Variants in BRSK2 observed in about 807,000 individuals in gnomAD.
BRSK2 encodes the protein serine/threonine-protein kinase BRSK2.
Under a neutral mutation model 83.3 loss-of-function variants are expected in BRSK2, and 19 were observed. That is an observed-to-expected ratio of 0.23 (90% CI 0.16 to 0.33). The LOEUF (loss-of-function observed/expected upper bound fraction) is 0.33. Ranked by LOEUF, BRSK2 falls within the 10% of genes least tolerant of loss-of-function variation. The pLI, the probability that BRSK2 is intolerant of heterozygous loss-of-function variation, is 1.00. For synonymous variants in BRSK2, 519 were observed against 435.4 expected, an observed-to-expected ratio of 1.19 and a Z score of -2.39; for missense variants, 798 against 1,042.3, an observed-to-expected ratio of 0.77 and a Z score of 3.23.
intron 15 of BRSK2, among the ~76,000 whole-genome samples, chr11:1,451,819 C>G (rs898988454): frequency 6.6e-6 from 1 of 152,172 alleles, no homozygotes; most frequent in Non-Finnish European, 1.5e-5. Flanking sequence ...TGTGCAGGGG[C>G]GGAGCGGAGC....
At chr11:1,460,174 G>T (rs1055351285) in intron 19 of BRSK2, among the ~76,000 whole-genome samples, 1 of 152,108 alleles carries the variant, frequency 6.6e-6, no homozygotes, top group African/African-American at 2.4e-5. Context: ...GCCTCGCTTC[G>T]CCAAAGGAGC....
At chr11:1,439,210 A>G (rs368213855) in intron 3 of BRSK2, among the ~76,000 whole-genome samples, 1 of 152,052 alleles carries the variant, frequency 6.6e-6, no homozygotes, top group African/African-American at 2.4e-5. Flanking sequence ...GAGCTGGCTG[A>G]GGGCCTGGCT....
intron 1 of BRSK2, among the ~76,000 whole-genome samples, chr11:1,407,468 C>G (rs1564800155): frequency 1.3e-5 from 2 of 152,144 alleles, no homozygotes; most frequent in Non-Finnish European, 1.5e-5. Context: ...CTCCGAGGCC[C>G]TTGTTCCTGC....
At chr11:1,428,079 T>C (rs1039979783) in intron 1 of BRSK2, among the ~76,000 whole-genome samples, 4 of 152,080 alleles carry the variant, frequency 2.6e-5, no homozygotes, top group Admixed American at 6.5e-5. Context: ...TTTCTAGGCA[T>C]AGGGGCAGCA....
intron 1 of BRSK2, among the ~76,000 whole-genome samples, chr11:1,421,052 AC>A (rs1848589624): frequency 6.6e-6 from 1 of 151,916 alleles, no homozygotes; most frequent in South Asian, 2.1e-4. Context: ...TCAGAGTGAT[AC>A]CCTCAGATCT....
chr11:1,456,777 G>A, intron 18 of BRSK2, 90 bp downstream of exon 18: 1 of 1,408,622 alleles, frequency 7.1e-7, no homozygotes, highest in Middle Eastern at 2.4e-4. Flanking sequence ...GAGGACCCGG[G>A]CGCAGCCTCC....
At chr11:1,393,189 T>A (rs1203183977) in intron 1 of BRSK2, among the ~76,000 whole-genome samples, 1 of 152,090 alleles carries the variant, frequency 6.6e-6, no homozygotes, top group African/African-American at 2.4e-5. Context: ...ACACTCCGAG[T>A]TGGAGCATGC....
chr11:1,419,051 G>T (rs1032364691), intron 1 of BRSK2, among the ~76,000 whole-genome samples: 6 of 152,348 alleles, frequency 3.9e-5, no homozygotes, highest in African/African-American at 1.4e-4. Context: ...TTACAGGTGC[G>T]TGTCAGGCGT....
At position 1,454,633 on chromosome 11, in the gene BRSK2, G is replaced by A. The variant is rs1846246545; in HGVS notation, c.1668+25G>A. ...GGTGAGGCCACAGGGCGCTGGGGGA[G>A]GCGGGCAGCCCTCCCAACCCCACAC... On this transcript the variant is annotated intron_variant, in intron 16 of 19. Transcript: ENST00000528841. The surrounding 1 kb of genome is among the most constrained non-coding windows in gnomAD (Gnocchi z 5.2). 4 of 1,611,318 alleles carry A rather than the reference G, an allele frequency of 2.5e-6. No homozygotes were observed. The highest frequency in any genetic ancestry group is 3.4e-6 in the Non-Finnish European group (4 of 1,179,542).
chr11:1,415,712 C>T (rs551509925), intron 1 of BRSK2, among the ~76,000 whole-genome samples: 1 of 152,376 alleles, frequency 6.6e-6, no homozygotes, highest in African/African-American at 2.4e-5. Context: ...GGGTCCCTCA[C>T]TTTCCTTCAT....
intron 1 of BRSK2, among the ~76,000 whole-genome samples, chr11:1,429,435 C>A (rs567501787): frequency 6.9e-6 from 1 of 145,924 alleles, no homozygotes; most frequent in East Asian, 2.0e-4. Flanking sequence ...TATGCACACA[C>A]CTAGGGGTGT....
chr11:1,398,391 C>T (rs1159602228), intron 1 of BRSK2, among the ~76,000 whole-genome samples: 2 of 152,130 alleles, frequency 1.3e-5, no homozygotes, highest in Non-Finnish European at 2.9e-5. Context: ...CGAGAGTTAT[C>T]TTGTGCGGAC....
chr11:1,446,047 GCTGGGCTGGGCTGGGCTGGGC>G, intron 12 of BRSK2, 140 bp downstream of exon 12: 1 of 375,502 alleles, frequency 2.7e-6, no homozygotes, highest in African/African-American at 4.7e-5. Context: ...ACTGGGCTTA[GCTGGGCTGGGCTGGGCTGGGC>G]TTGGCTGGGC....
At chr11:1,408,895 G>A (rs558803099) in intron 1 of BRSK2, among the ~76,000 whole-genome samples, 5 of 147,938 alleles carry the variant, frequency 3.4e-5, no homozygotes, top group Non-Finnish European at 7.5e-5. Flanking sequence ...CTGCCTTATG[G>A]AGGTTTATGT....
In BRSK2 at chr11:1,390,223, C is replaced by T. The variant is rs1368661936; in HGVS notation, c.-62C>T. 8.9e-6 allele frequency: 8 copies of T among 903,318 alleles called. No individual in the cohort carries two copies. Among genetic ancestry groups the T allele is most frequent in the East Asian group, 2.4e-4 (2 of 8,340 alleles). 56.0% of individuals were successfully genotyped at this position (903,318 alleles called of 1,614,324 possible). On this transcript the variant is annotated 5_prime_UTR_variant, in exon 1 of 20. Transcript: ENST00000528841. This position sits in a 1 kb window ranked among gnomAD's most constrained non-coding sequence, Gnocchi z 6.8. ...GGCACTCGGCGGACGCGGGCGGACGCTGGGCGGCCCCTCCCTGCCCGCGCG... is the reference window on the plus strand; with the variant it reads ...GGCACTCGGCGGACGCGGGCGGACGTTGGGCGGCCCCTCCCTGCCCGCGCG...
chr11:1,403,144 T>A (rs1237318493), intron 1 of BRSK2, among the ~76,000 whole-genome samples: 1 of 152,106 alleles, frequency 6.6e-6, no homozygotes, highest in Non-Finnish European at 1.5e-5. Flanking sequence ...TGGGGTCAGC[T>A]GGCTTGGGGC....
Position 1,391,874 on chromosome 11 carries a change from T to G in BRSK2, c.91+1499T>G, listed in dbSNP as rs190734539. ...AGTTATGTGCTGTGCGCGGCCTCGG[T>G]GGGTAGGGGCTGGTCTCCACTCTTC... On this transcript the variant is annotated intron_variant, in intron 1 of 19. Transcript: ENST00000528841. Among the ~76,000 whole-genome samples, 1,510 of 152,078 alleles carry G rather than the reference T, an allele frequency of 9.9e-3. 8 individuals carry two copies. The highest frequency in any genetic ancestry group is 0.017 in the Middle Eastern group (5 of 294).
At chr11:1,413,859 G>A (rs564331310) in intron 1 of BRSK2, among the ~76,000 whole-genome samples, 4 of 152,296 alleles carry the variant, frequency 2.6e-5, no homozygotes, top group South Asian at 4.1e-4. Flanking sequence ...AGGTGAGGTC[G>A]GGTGGGTAAG....
At position 1,460,889 on chromosome 11, in the gene BRSK2, C is replaced by T. The variant is rs900906878; in HGVS notation, c.*166C>T. ...GTTGGGGCCGGCCTGTGGGCTGCGC[C>T]ACCCGCGCCCGCTCTCTTTTCTCTC... On this transcript the variant is annotated 3_prime_UTR_variant, in exon 20 of 20. Coordinates refer to ENST00000528841, the MANE Select transcript of BRSK2 (RefSeq NM_001256627.2). 1.9e-6 allele frequency: 3 copies of T among 1,600,948 alleles called. No homozygotes were observed. In the African/African-American group the frequency reaches 4.0e-5, roughly 21 times the overall value.
Sources: allele counts gnomAD v4.1 joint callset (sites outside exome capture counted in the v4.1 genomes callset), GRCh38; gene constraint gnomAD v4.1.1; non-coding constraint Gnocchi (gnomAD v3.1); transcripts MANE v1.5; gene names NCBI Gene and HGNC (gene_info 2026-07-23, HGNC 2026-07-21).